RAB7A: variants seen among roughly 807,000 people sequenced by gnomAD.
The protein encoded by RAB7A is ras-related protein Rab-7a.
A neutral mutation model predicts 24.5 loss-of-function variants in RAB7A; 2 were observed. The ratio of observed to expected loss-of-function variants is 0.08; its 90% CI spans 0.03 to 0.26. The LOEUF is 0.26. Ranked by LOEUF, RAB7A falls within the 10% of genes least tolerant of loss-of-function variation. The pLI, the probability that RAB7A is intolerant of heterozygous loss-of-function variation, is 1.00. For missense variants in RAB7A, 118 were observed against 255.7 expected, an observed-to-expected ratio of 0.46 and a Z score of 3.67; for synonymous variants, 100 against 95.9, an observed-to-expected ratio of 1.04 and a Z score of -0.25.
intron 1 of RAB7A, chr3:128,765,058 G>A (rs916922960): frequency 2.5e-5 from 29 of 1,145,928 alleles, no homozygotes; most frequent in Admixed American, 1.3e-4. Context: ...GCTGCGCGGC[G>A]CTGGAGCGGC....
intron 1 of RAB7A, among the ~76,000 whole-genome samples, chr3:128,784,773 A>C (rs1003944355): frequency 1.3e-5 from 2 of 152,176 alleles, no homozygotes; most frequent in Non-Finnish European, 2.9e-5. Flanking sequence ...ATTACCCTTA[A>C]AGTAAACTTA....
At chr3:128,748,305 G>T (rs1237776677) in intron 1 of RAB7A, among the ~76,000 whole-genome samples, 1 of 152,190 alleles carries the variant, frequency 6.6e-6, no homozygotes, top group African/African-American at 2.4e-5. Context: ...TCGAGTAAGG[G>T]ACTGGCAGGC....
intron 3 of RAB7A, chr3:128,798,802 G>A (rs1289850700): frequency 4.6e-6 from 1 of 217,098 alleles, no homozygotes; most frequent in Non-Finnish European, 8.5e-6. Context: ...GTGATGGAGT[G>A]AGACCCTGTC....
chr3:128,763,658 C>T (rs536939391), intron 1 of RAB7A, among the ~76,000 whole-genome samples: 1 of 152,240 alleles, frequency 6.6e-6, no homozygotes, highest in South Asian at 2.1e-4. Flanking sequence ...TTTTCCTTCC[C>T]CTACCCCCAT....
At chr3:128,746,503 TA>T (rs1331892730) in intron 1 of RAB7A, among the ~76,000 whole-genome samples, 1 of 151,916 alleles carries the variant, frequency 6.6e-6, no homozygotes, top group African/African-American at 2.4e-5. Context: ...CATTTTTATT[TA>T]TTTTTTTTAT....
At chr3:128,798,141 G>T (rs1933613055) in intron 3 of RAB7A, 72 bp downstream of exon 3, 3 of 1,556,720 alleles carry the variant, frequency 1.9e-6, no homozygotes, top group Non-Finnish European at 2.7e-6. Context: ...CTCATGCATA[G>T]ACATTTTCCT....
At chr3:128,764,906 C>A (rs180954265) in intron 1 of RAB7A, 1 of 1,543,812 alleles carries the variant, frequency 6.5e-7, no homozygotes, top group Non-Finnish European at 8.8e-7. Context: ...TTGTAAGACA[C>A]GGACAGGTAA....
chr3:128,772,360 G>A (rs1322014234), intron 1 of RAB7A, among the ~76,000 whole-genome samples: 2 of 152,024 alleles, frequency 1.3e-5, no homozygotes, highest in Non-Finnish European at 2.9e-5. Context: ...AACATCCCAT[G>A]GTCTTTTTTA....
At chr3:128,767,233 A>T (rs1305006410) in intron 1 of RAB7A, among the ~76,000 whole-genome samples, 2 of 152,214 alleles carry the variant, frequency 1.3e-5, no homozygotes, top group African/African-American at 2.4e-5. Context: ...CACAGAATAC[A>T]AGAGGGATGC....
chr3:128,741,526 T>C (rs1559780016), intron 1 of RAB7A, among the ~76,000 whole-genome samples: 1 of 152,126 alleles, frequency 6.6e-6, no homozygotes, highest in Non-Finnish European at 1.5e-5. Flanking sequence ...TACTTCCATG[T>C]CTTTTTTTAT....
At chr3:128,811,759 G>T (rs1038640769) in intron 5 of RAB7A, among the ~76,000 whole-genome samples, 1 of 151,990 alleles carries the variant, frequency 6.6e-6, no homozygotes, top group African/African-American at 2.4e-5. Context: ...TGAGACTGGA[G>T]GATTGTGTGA....
At chr3:128,803,688 G>C (rs1305566697) in intron 3 of RAB7A, among the ~76,000 whole-genome samples, 1 of 152,144 alleles carries the variant, frequency 6.6e-6, no homozygotes, top group African/African-American at 2.4e-5. Flanking sequence ...GTCTATTAAA[G>C]CAGTGGAATA....
At chr3:128,776,972 A>G (rs1415008767) in intron 1 of RAB7A, among the ~76,000 whole-genome samples, 3 of 151,854 alleles carry the variant, frequency 2.0e-5, no homozygotes, top group African/African-American at 7.3e-5. Context: ...ACACACACAC[A>G]CACACACACA....
rs762443384 is a variant in RAB7A, at chr3:128,797,894, T to A, written c.54-49T>A. ...ATGCTTCAAGTAATTCGTGTCAGTTTCAGGACCCTCCTATTTGACTTATAC... is the reference window on the plus strand; with the variant it reads ...ATGCTTCAAGTAATTCGTGTCAGTTACAGGACCCTCCTATTTGACTTATAC... On this transcript the variant is annotated intron_variant, in intron 2 of 5. Coordinates refer to ENST00000265062, the MANE Select transcript of RAB7A (RefSeq NM_004637.6). 22 of 1,603,792 alleles carry A rather than the reference T, an allele frequency of 1.4e-5. No homozygotes were observed. In the East Asian group the frequency reaches 4.2e-4, roughly 31 times the overall value.
intron 1 of RAB7A, among the ~76,000 whole-genome samples, chr3:128,742,781 G>A (rs1250259280): frequency 6.6e-6 from 1 of 152,172 alleles, no homozygotes; most frequent in Admixed American, 6.5e-5. Context: ...GACACAGAGT[G>A]CTGATTGGTG....
At chr3:128,726,858 A>G (rs1280413441) in intron 1 of RAB7A, among the ~76,000 whole-genome samples, 2 of 152,236 alleles carry the variant, frequency 1.3e-5, no homozygotes, top group African/African-American at 4.8e-5. Flanking sequence ...CCTGACGGCA[A>G]CTGAGTCAAG....
At chr3:128,777,214 CAG>C (rs1559790161) in intron 1 of RAB7A, among the ~76,000 whole-genome samples, 2 of 151,990 alleles carry the variant, frequency 1.3e-5, no homozygotes, top group African/African-American at 4.8e-5. Context: ...TTCTTTGAGA[CAG>C]GGTCTCACTC....
intron 1 of RAB7A, among the ~76,000 whole-genome samples, chr3:128,750,132 G>T (rs1198481702): frequency 1.3e-5 from 2 of 152,244 alleles, no homozygotes; most frequent in Non-Finnish European, 2.9e-5. Context: ...TGAAGAACTT[G>T]TTGGGAACTA....
chr3:128,794,237 C>CT (rs1416773619), intron 1 of RAB7A, among the ~76,000 whole-genome samples: 2 of 152,308 alleles, frequency 1.3e-5, no homozygotes, highest in East Asian at 3.9e-4. Flanking sequence ...TTTGGCATAC[C>CT]TTAAGATGGT....
Sources: allele counts gnomAD v4.1 joint callset (sites outside exome capture counted in the v4.1 genomes callset), GRCh38; gene constraint gnomAD v4.1.1; transcripts MANE v1.5; gene names NCBI Gene and HGNC (gene_info 2026-07-23, HGNC 2026-07-21).